Variants in EPB41L3 observed in about 807,000 individuals in gnomAD.
The protein encoded by EPB41L3 is band 4.1-like protein 3.
Under a neutral mutation model 127.1 loss-of-function variants are expected in EPB41L3, and 57 were observed. The observed-to-expected ratio is 0.45, with a 90% CI of 0.36 to 0.56. The LOEUF is 0.56. Among genes scored for constraint, EPB41L3 ranks in the 20% least tolerant of loss-of-function variants. EPB41L3 has a pLI of 0.00. For missense variants in EPB41L3, 1,273 were observed against 1,372.2 expected, an observed-to-expected ratio of 0.93 and a Z score of 1.14; for synonymous variants, 572 against 549.5, an observed-to-expected ratio of 1.04 and a Z score of -0.57.
intron 14 of EPB41L3, among the ~76,000 whole-genome samples, chr18:5,410,231 A>AT (rs1358499678): frequency 6.6e-6 from 1 of 151,912 alleles, no homozygotes; most frequent in Non-Finnish European, 1.5e-5. Context: ...AAAAAAAAAA[A>AT]TGTATTATCA....
chr18:5,393,585 C>A, intron 22 of EPB41L3, 107 bp from the exon 23 acceptor site: 1 of 660,534 alleles, frequency 1.5e-6, no homozygotes, highest in Admixed American at 2.2e-5. Flanking sequence ...CTCGTTTGGA[C>A]AAGATGCCAT....
intron 16 of EPB41L3, among the ~76,000 whole-genome samples, chr18:5,405,746 A>G (rs1353647950): frequency 6.6e-6 from 1 of 151,764 alleles, no homozygotes; most frequent in East Asian, 1.9e-4. Context: ...ACTGCACTTC[A>G]GCATGGGCGA....
chr18:5,442,327 A>G (rs1598986715), intron 5 of EPB41L3, among the ~76,000 whole-genome samples: 1 of 152,296 alleles, frequency 6.6e-6, no homozygotes, highest in Non-Finnish European at 1.5e-5. Context: ...CTAATTTGTT[A>G]TCAAGTTTCT....
intron 1 of EPB41L3, among the ~76,000 whole-genome samples, chr18:5,490,931 C>A (rs868613395): frequency 2.0e-4 from 31 of 152,304 alleles, no homozygotes; most frequent in African/African-American, 7.5e-4. Flanking sequence ...AACAGAGATT[C>A]ATCTGTTGTA....
chr18:5,560,119 G>A (rs753955294), intron 3 of EPB41L3, among the ~76,000 whole-genome samples: 4 of 152,102 alleles, frequency 2.6e-5, no homozygotes, highest in East Asian at 1.9e-4. Context: ...CTCAAAATTC[G>A]TTTGCTGGAT....
intron 3 of EPB41L3, among the ~76,000 whole-genome samples, chr18:5,558,726 C>T (rs1431653058): frequency 6.6e-6 from 1 of 152,174 alleles, no homozygotes; most frequent in Non-Finnish European, 1.5e-5. Context: ...GTTCTTTCAG[C>T]ATCAAATATA....
chr18:5,618,788 C>G (rs9948202), intron 1 of EPB41L3, among the ~76,000 whole-genome samples: 53,786 of 152,018 alleles, frequency 0.35, 10,385 homozygotes, highest in African/African-American at 0.52. Flanking sequence ...AACCATCCCA[C>G]CATCAAAAAA....
chr18:5,483,944 A>C (rs2089111322), intron 2 of EPB41L3, among the ~76,000 whole-genome samples: 1 of 151,660 alleles, frequency 6.6e-6, no homozygotes, highest in South Asian at 2.1e-4. Flanking sequence ...CAGTGGAGTT[A>C]AACTACACAC....
At chr18:5,585,454 C>G (rs539739991) in intron 3 of EPB41L3, among the ~76,000 whole-genome samples, 2 of 152,078 alleles carry the variant, frequency 1.3e-5, no homozygotes, top group Non-Finnish European at 2.9e-5. Flanking sequence ...CAGGCATGCA[C>G]CATCATGCCT....
At chr18:5,433,875 C>T (rs752750577) in intron 7 of EPB41L3, 28 bp downstream of exon 7, 1 of 1,612,274 alleles carries the variant, frequency 6.2e-7, no homozygotes, top group Admixed American at 1.7e-5. Context: ...CAAGGCACAA[C>T]TTAAATGAAC....
intron 1 of EPB41L3, among the ~76,000 whole-genome samples, chr18:5,519,185 C>T (rs1051560161): frequency 3.3e-5 from 5 of 152,250 alleles, no homozygotes; most frequent in African/African-American, 1.2e-4. Context: ...AGGCGTGCAT[C>T]ACACTTGTAG....
At chr18:5,519,070 C>G (rs1359088121) in intron 1 of EPB41L3, among the ~76,000 whole-genome samples, 1 of 152,152 alleles carries the variant, frequency 6.6e-6, no homozygotes, top group East Asian at 1.9e-4. Context: ...AATTACAGGA[C>G]TGATAAGACA....
chr18:5,473,002 C>T (rs890779353), intron 3 of EPB41L3, among the ~76,000 whole-genome samples: 5 of 152,170 alleles, frequency 3.3e-5, no homozygotes, highest in African/African-American at 7.2e-5. Context: ...AGATTCCAGG[C>T]CTATCCTGGA....
chr18:5,414,993 G>C (rs77265921), intron 13 of EPB41L3, among the ~76,000 whole-genome samples: 13,563 of 152,268 alleles, frequency 0.089, 1,220 homozygotes, highest in African/African-American at 0.24. Flanking sequence ...CCCAGCCTCA[G>C]CACACTGTGA....
chr18:5,424,909 C>G (rs538695683), intron 9 of EPB41L3, among the ~76,000 whole-genome samples: 16 of 152,268 alleles, frequency 1.1e-4, no homozygotes, highest in Non-Finnish European at 1.9e-4. Flanking sequence ...GTGTTAAATG[C>G]TAACGTCTCT....
chr18:5,505,840 CTCCACACCTTCACCTCCACCCCTACCT>C (rs2092145116), intron 1 of EPB41L3, among the ~76,000 whole-genome samples: 9 of 134,332 alleles, frequency 6.7e-5, no homozygotes, highest in Admixed American at 1.5e-4. Context: ...CACCCCTTCC[CTCCACACCTTCACCTCCACCCCTACCT>C]TCCACACCTT....
At chr18:5,409,469 A>G (rs997013413) in intron 14 of EPB41L3, among the ~76,000 whole-genome samples, 8 of 152,178 alleles carry the variant, frequency 5.3e-5, no homozygotes, top group Non-Finnish European at 7.4e-5. Flanking sequence ...ATAGATTTAT[A>G]TATGATTGCT....
chr18:5,425,743 G>A (rs1351874833), intron 9 of EPB41L3, among the ~76,000 whole-genome samples: 1 of 152,158 alleles, frequency 6.6e-6, no homozygotes. Flanking sequence ...GAGAAGAGGA[G>A]TGAAAAACCA....
rs201195904 is a variant in EPB41L3, at chr18:5,397,334, G to T, written c.2565C>A (p.Thr855=). 1.2e-6 allele frequency: 2 copies of T among 1,613,976 alleles called. No individual in the cohort carries two copies. Among genetic ancestry groups the T allele is most frequent in the East Asian group, 4.5e-5 (2 of 44,864 alleles). Reference sequence around the variant, plus strand: ...CCACACGCCGCTCCTCCACCAACACGGTCTCCTGCACCACCTTCTCAGTGC... The same window carrying T: ...CCACACGCCGCTCCTCCACCAACACTGTCTCCTGCACCACCTTCTCAGTGC... The part of the protein sequence containing the change: ...PLSTEKVVQE[T]VLVEERRVVH... The change falls in exon 18 of 23, where the codon ACC becomes ACA. Residue 855 remains threonine (T), a synonymous_variant. Coordinates refer to ENST00000341928, the MANE Select transcript of EPB41L3 (RefSeq NM_012307.5). This position sits in a 1 kb window ranked among gnomAD's most constrained non-coding sequence, Gnocchi z 4.1.
Sources: allele counts gnomAD v4.1 joint callset (sites outside exome capture counted in the v4.1 genomes callset), GRCh38; gene constraint gnomAD v4.1.1; non-coding constraint Gnocchi (gnomAD v3.1); transcripts MANE v1.5; gene names NCBI Gene and HGNC (gene_info 2026-07-23, HGNC 2026-07-21).